Variants in SRGAP1 observed in about 807,000 individuals in gnomAD.
The protein encoded by SRGAP1 is SLIT-ROBO Rho GTPase activating protein 1.
A neutral mutation model predicts 121.9 loss-of-function variants in SRGAP1; 43 were observed. That is an observed-to-expected ratio of 0.35 (90% CI 0.28 to 0.46). SRGAP1 has a LOEUF of 0.46. Among genes scored for constraint, SRGAP1 ranks in the 20% least tolerant of loss-of-function variants. SRGAP1 has a pLI of 1.00. For synonymous variants in SRGAP1, 447 were observed against 485.4 expected, an observed-to-expected ratio of 0.92 and a Z score of 1.04; for missense variants, 1,102 against 1,350.9, an observed-to-expected ratio of 0.82 and a Z score of 2.89.
rs1164528944 is a variant in SRGAP1 at position 64,151,867 on chromosome 12, T to G, written c.*9195T>G. 1 of 152,214 alleles carries G rather than the reference T, an allele frequency of 6.6e-6. No homozygotes were observed. The highest frequency in any genetic ancestry group is 1.5e-5 in the Non-Finnish European group (1 of 68,054). The allele number at this position is 152,214 out of a possible 1,614,324, so 9.4% of individuals were successfully genotyped here. On this transcript the variant is annotated 3_prime_UTR_variant, in exon 22 of 22. Transcript: ENST00000355086. ...CAACAGACCCAAAAATTAAACCCACTTTGTTTCATTCCAAAAAATATTCTG... is the reference window on the plus strand; with the variant it reads ...CAACAGACCCAAAAATTAAACCCACGTTGTTTCATTCCAAAAAATATTCTG...
chr12:64,146,689 G>A lies in SRGAP1; in HGVS notation c.*4017G>A, dbSNP rs918122506. 1 of 152,140 alleles carries A rather than the reference G, an allele frequency of 6.6e-6. No individual in the cohort carries two copies. Among genetic ancestry groups the A allele is most frequent in the Non-Finnish European group, 1.5e-5 (1 of 68,052 alleles). 9.4% of individuals were successfully genotyped at this position (152,140 alleles called of 1,614,324 possible). On this transcript the variant is annotated 3_prime_UTR_variant, in exon 22 of 22. Transcript: ENST00000355086. ...CACCACAGAAACCCTGAGACACAGA[G>A]CAGCTTAGAAGTCTCTACCCAGGCG...
chr12:63,940,841 A>G (rs2031839688), intron 1 of SRGAP1, among the ~76,000 whole-genome samples: 1 of 152,210 alleles, frequency 6.6e-6, no homozygotes, highest in Non-Finnish European at 1.5e-5. Context: ...AGCATGTGGC[A>G]TCTCCTATGA....
At chr12:64,138,597 C>A (rs76805704) in intron 21 of SRGAP1, among the ~76,000 whole-genome samples, 4,411 of 150,998 alleles carry the variant, frequency 0.029, 97 homozygotes, top group Non-Finnish European at 0.046. Context: ...AGTAGCTGGG[C>A]GTGTGCCACC....
chr12:63,948,877 A>T (rs527968685), intron 1 of SRGAP1, among the ~76,000 whole-genome samples: 24 of 113,072 alleles, frequency 2.1e-4, no homozygotes, highest in South Asian at 6.0e-4. Flanking sequence ...CCATATATAT[A>T]TTTTCCATAT....
intron 11 of SRGAP1, 51 bp from the exon 12 acceptor site, chr12:64,091,225 A>T (rs747688315): frequency 1.5e-6 from 2 of 1,349,954 alleles, no homozygotes; most frequent in Non-Finnish European, 2.0e-6. Flanking sequence ...TAGATGTTTC[A>T]TTTATTGTTT....
chr12:64,073,999 A>G (rs1160774404), intron 8 of SRGAP1, among the ~76,000 whole-genome samples: 2 of 152,092 alleles, frequency 1.3e-5, no homozygotes, highest in Non-Finnish European at 2.9e-5. Context: ...GCTTCACCTC[A>G]CTGATATCTG....
intron 21 of SRGAP1, among the ~76,000 whole-genome samples, chr12:64,136,089 A>G (rs2036852030): frequency 6.6e-6 from 1 of 152,184 alleles, no homozygotes; most frequent in Non-Finnish European, 1.5e-5. Flanking sequence ...GCCCATCCAG[A>G]TTAGGGGTAG....
At chr12:63,903,359 G>A (rs926034803) in intron 1 of SRGAP1, among the ~76,000 whole-genome samples, 2 of 151,476 alleles carry the variant, frequency 1.3e-5, no homozygotes, top group Non-Finnish European at 2.9e-5. Context: ...ATTGGCGTGC[G>A]CTAATTTACA....
At chr12:64,076,156 CT>C (rs2035734301) in intron 8 of SRGAP1, among the ~76,000 whole-genome samples, 2 of 152,152 alleles carry the variant, frequency 1.3e-5, no homozygotes, top group Admixed American at 6.5e-5. Flanking sequence ...TAAACATTCT[CT>C]TTGGAGGATA....
intron 1 of SRGAP1, among the ~76,000 whole-genome samples, chr12:63,849,902 T>C (rs369372834): frequency 6.6e-6 from 1 of 152,204 alleles, no homozygotes; most frequent in African/African-American, 2.4e-5. Context: ...GATATCTAAA[T>C]AGGAGATAGA....
At chr12:63,880,258 G>C (rs1900152426) in intron 1 of SRGAP1, among the ~76,000 whole-genome samples, 1 of 152,034 alleles carries the variant, frequency 6.6e-6, no homozygotes, top group Non-Finnish European at 1.5e-5. Context: ...TTGAGACAGA[G>C]TCTTACTCTG....
chr12:63,908,838 T>G (rs558647101), intron 1 of SRGAP1, among the ~76,000 whole-genome samples: 57 of 152,338 alleles, frequency 3.7e-4, no homozygotes, highest in African/African-American at 1.4e-3. Context: ...CTTGTATCCT[T>G]TCACATTGCT....
intron 1 of SRGAP1, among the ~76,000 whole-genome samples, chr12:63,922,618 T>G (rs2031103968): frequency 6.6e-6 from 1 of 152,234 alleles, no homozygotes; most frequent in South Asian, 2.1e-4. Context: ...TGCACCATCC[T>G]TCACATTCCA....
chr12:64,029,942 C>T (rs968725813), intron 4 of SRGAP1, among the ~76,000 whole-genome samples: 11 of 136,106 alleles, frequency 8.1e-5, no homozygotes, highest in African/African-American at 1.6e-4. Flanking sequence ...AATAAATAAA[C>T]AAAGCATTAA....
At chr12:64,032,117 GGTGA>G (rs1315756402) in intron 4 of SRGAP1, among the ~76,000 whole-genome samples, 3 of 152,180 alleles carry the variant, frequency 2.0e-5, no homozygotes, top group African/African-American at 7.2e-5. Flanking sequence ...CAATTTGAAT[GGTGA>G]GTAAGACAGG....
intron 1 of SRGAP1, among the ~76,000 whole-genome samples, chr12:63,885,199 C>G (rs1039703427): frequency 1.3e-5 from 2 of 152,142 alleles, no homozygotes; most frequent in East Asian, 1.9e-4. Context: ...GTCCAGGCCT[C>G]CAGAACCTCT....
At chr12:63,856,626 T>C in intron 1 of SRGAP1, among the ~76,000 whole-genome samples, 1 of 136,954 alleles carries the variant, frequency 7.3e-6, no homozygotes, top group East Asian at 2.9e-4. Flanking sequence ...ACTCTATTTT[T>C]GGACACTCTA....
intron 1 of SRGAP1, among the ~76,000 whole-genome samples, chr12:63,966,703 C>G (rs774169123): frequency 6.6e-6 from 1 of 151,702 alleles, no homozygotes. Context: ...CATAGGAAAA[C>G]AAGGGGTAGA....
intron 1 of SRGAP1, among the ~76,000 whole-genome samples, chr12:63,916,120 C>T (rs2030766954): frequency 6.7e-6 from 1 of 148,722 alleles, no homozygotes; most frequent in Admixed American, 6.9e-5. Flanking sequence ...GCAACCTCTG[C>T]CTCCCAGGCT....
Sources: gnomAD v4.1 joint callset for allele counts (sites outside exome capture counted in the v4.1 genomes callset) on GRCh38, gnomAD v4.1.1 for gene constraint, MANE v1.5 for transcripts, NCBI Gene and HGNC (gene_info 2026-07-23, HGNC 2026-07-21) for gene names.